The following TRPC7 variants were observed in gnomAD, a reference collection of about 807,000 sequenced individuals.
The protein encoded by TRPC7 is transient receptor potential cation channel subfamily C member 7, also known as short transient receptor potential channel 7.
A neutral mutation model predicts 90.1 loss-of-function variants in TRPC7; 42 were observed. The ratio of observed to expected loss-of-function variants is 0.47; its 90% CI spans 0.36 to 0.60. The LOEUF (loss-of-function observed/expected upper bound fraction) is 0.60, where lower values mean the gene tolerates loss of function less well. Ranked by LOEUF, TRPC7 falls within the 20% of genes least tolerant of loss-of-function variation. TRPC7 has a pLI of 0.00. For missense variants in TRPC7, 955 were observed against 1,112.3 expected (o/e 0.86, Z 2.01); for synonymous variants, 451 against 436.3 (o/e 1.03, Z -0.42).
intron 1 of TRPC7, among the ~76,000 whole-genome samples, chr5:136,359,279 T>C (rs1760486612): frequency 6.6e-6 from 1 of 152,154 alleles, no homozygotes; most frequent in Non-Finnish European, 1.5e-5. Context: ...GAGTCACACT[T>C]CCCTTGGGAA....
At chr5:136,292,515 C>T (rs1440372269) in intron 3 of TRPC7, among the ~76,000 whole-genome samples, 3 of 152,298 alleles carry the variant, frequency 2.0e-5, no homozygotes, top group African/African-American at 7.2e-5. Context: ...ACTATAAACA[C>T]CTCTATGCAA....
At chr5:136,310,223 C>T (rs866057942) in intron 3 of TRPC7, among the ~76,000 whole-genome samples, 1 of 152,170 alleles carries the variant, frequency 6.6e-6, no homozygotes, top group African/African-American at 2.4e-5. Flanking sequence ...CCCTCCCCAC[C>T]TCAGAGGGAA....
rs140886520 is a variant in TRPC7, at chr5:136,222,312, T to C, written c.2343+2962A>G. Reference sequence around the variant, plus strand: ...TGAAGAGACAAAAAAGCAGCAAACTTAGTAACTAAATGTGTGTGAACGATG... The same window carrying C: ...TGAAGAGACAAAAAAGCAGCAAACTCAGTAACTAAATGTGTGTGAACGATG... On this transcript the variant is annotated intron_variant, in intron 10 of 11. Coordinates refer to ENST00000513104, the MANE Select transcript of TRPC7 (RefSeq NM_020389.3). Among the ~76,000 whole-genome samples, 25 of 152,222 alleles carry C rather than the reference T, an allele frequency of 1.6e-4. 1 individual carries two copies. The Middle Eastern group carries it at 0.017, about 104-fold the overall frequency.
At chr5:136,299,412 G>A (rs1161508985) in intron 3 of TRPC7, among the ~76,000 whole-genome samples, 2 of 151,154 alleles carry the variant, frequency 1.3e-5, no homozygotes, top group Non-Finnish European at 2.9e-5. Context: ...GGAGAGGAAA[G>A]AGGTAGGTAG....
chr5:136,225,742 C>T (rs896512605), intron 9 of TRPC7, among the ~76,000 whole-genome samples: 4 of 152,136 alleles, frequency 2.6e-5, no homozygotes, highest in African/African-American at 9.7e-5. Flanking sequence ...ATTTCCAAGT[C>T]CACTAAGGGG....
chr5:136,295,507 C>T (rs1160533949), intron 3 of TRPC7, among the ~76,000 whole-genome samples: 5 of 151,948 alleles, frequency 3.3e-5, no homozygotes, highest in Non-Finnish European at 5.9e-5. Context: ...TTGGCTTAGC[C>T]CCAATAGTCC....
At chr5:136,274,418 T>A (rs1757295083) in intron 4 of TRPC7, among the ~76,000 whole-genome samples, 1 of 152,160 alleles carries the variant, frequency 6.6e-6, no homozygotes, top group Non-Finnish European at 1.5e-5. Context: ...ATTCTGTTAC[T>A]GATCTTTTCA....
chr5:136,338,532 A>G (rs138914339), intron 2 of TRPC7, among the ~76,000 whole-genome samples: 147 of 152,330 alleles, frequency 9.7e-4, no homozygotes, highest in African/African-American at 3.4e-3. Flanking sequence ...CAGGCGGGAC[A>G]TGTTTTGAAA....
chr5:136,324,779 C>G (rs1759296370), intron 2 of TRPC7, among the ~76,000 whole-genome samples: 1 of 152,198 alleles, frequency 6.6e-6, no homozygotes, highest in Non-Finnish European at 1.5e-5. Flanking sequence ...GAAAGAGAAG[C>G]TCATTATCCT....
At chr5:136,274,453 T>G (rs866233194) in intron 4 of TRPC7, among the ~76,000 whole-genome samples, 2 of 152,166 alleles carry the variant, frequency 1.3e-5, no homozygotes, top group African/African-American at 4.8e-5. Context: ...TGTTTAAAAT[T>G]TTATTGCTCC....
At chr5:136,348,842 T>C (rs1277775444) in intron 2 of TRPC7, among the ~76,000 whole-genome samples, 1 of 152,246 alleles carries the variant, frequency 6.6e-6, no homozygotes, top group East Asian at 1.9e-4. Flanking sequence ...GCAGCATACT[T>C]GATTAATGCT....
At chr5:136,241,943 A>G (rs1331764347) in intron 7 of TRPC7, among the ~76,000 whole-genome samples, 5 of 152,098 alleles carry the variant, frequency 3.3e-5, no homozygotes, top group African/African-American at 1.2e-4. Context: ...ACCCTGTAAC[A>G]AGAGTGCTGG....
intron 5 of TRPC7, among the ~76,000 whole-genome samples, chr5:136,262,296 TCTC>T (rs909668077): frequency 2.0e-5 from 3 of 152,168 alleles, no homozygotes; most frequent in Non-Finnish European, 2.9e-5. Flanking sequence ...CTATTTCTCT[TCTC>T]CTCATTCATC....
chr5:136,335,551 G>T (rs1759627298), intron 2 of TRPC7, among the ~76,000 whole-genome samples: 1 of 151,802 alleles, frequency 6.6e-6, no homozygotes, highest in Admixed American at 6.6e-5. Context: ...TGGTTGGTAC[G>T]TTTACTGGCA....
intron 2 of TRPC7, among the ~76,000 whole-genome samples, chr5:136,324,659 C>T (rs1466779873): frequency 6.6e-6 from 1 of 152,080 alleles, no homozygotes; most frequent in East Asian, 1.9e-4. Flanking sequence ...GATGATAGGG[C>T]CATTGTTTTG....
At chr5:136,308,645 CT>C (rs1758727243) in intron 3 of TRPC7, among the ~76,000 whole-genome samples, 1 of 152,306 alleles carries the variant, frequency 6.6e-6, no homozygotes, top group South Asian at 2.1e-4. Context: ...CATCTGCCCT[CT>C]CTTGAGTGTT....
Position 136,365,405 on chromosome 5 carries a change from A to G in TRPC7, c.-151T>C. On this transcript the variant is annotated 5_prime_UTR_variant, in exon 1 of 12. Coordinates refer to ENST00000513104, the MANE Select transcript of TRPC7 (RefSeq NM_020389.3). ...AGCTGGTCAAGTGAGTTAAGTTGCA[A>G]CGATGTGAAAGCGCGCTCCTCTGTT... The G allele has an allele frequency of 1.3e-6, 1 of 785,852 alleles. No homozygotes were observed. The highest frequency in any genetic ancestry group is 2.1e-6 in the Non-Finnish European group (1 of 481,008). 48.7% of individuals were successfully genotyped at this position (785,852 alleles called of 1,614,324 possible). A position where few individuals can be genotyped will look rare whatever the true frequency, so the allele number is the denominator to read the frequency against.
intron 2 of TRPC7, among the ~76,000 whole-genome samples, chr5:136,337,204 G>C (rs762091311): frequency 6.6e-5 from 10 of 152,134 alleles, no homozygotes; most frequent in Non-Finnish European, 1.5e-4. Context: ...TATTTGCTTT[G>C]GGTGATGCAC....
chr5:136,351,865 T>G (rs1193008354), intron 2 of TRPC7, among the ~76,000 whole-genome samples: 1 of 152,212 alleles, frequency 6.6e-6, no homozygotes, highest in Non-Finnish European at 1.5e-5. Context: ...AATACATAAT[T>G]CATCAGCTAT....
Sources: allele counts gnomAD v4.1 joint callset (sites outside exome capture counted in the v4.1 genomes callset), GRCh38; gene constraint gnomAD v4.1.1; transcripts MANE v1.5; gene names NCBI Gene and HGNC (gene_info 2026-07-23, HGNC 2026-07-21).